The following ODAD2 variants were observed in gnomAD, a reference collection of about 807,000 sequenced individuals.
ODAD2 encodes the protein outer dynein arm docking complex subunit 2.
In ODAD2, 89 loss-of-function variants were observed where a neutral mutation model predicts 106.8. The observed-to-expected ratio is 0.83, with a 90% CI of 0.70 to 0.99. The LOEUF is 0.99. Among genes scored for constraint, ODAD2 ranks in the 50% least tolerant of loss-of-function variants. The pLI is 0.00. For synonymous variants in ODAD2, 404 were observed against 436.2 expected, an observed-to-expected ratio of 0.93 and a Z score of 0.92; for missense variants, 1,168 against 1,238.5, an observed-to-expected ratio of 0.94 and a Z score of 0.85.
At chr10:27,817,950 C>T (rs560727033) in intron 19 of ODAD2, among the ~76,000 whole-genome samples, 129 of 152,012 alleles carry the variant, frequency 8.5e-4, no homozygotes, top group African/African-American at 2.9e-3. Context: ...ATACATACTT[C>T]GCACCATTCA....
At chr10:27,853,834 T>C (rs1034073767) in intron 19 of ODAD2, among the ~76,000 whole-genome samples, 1 of 152,180 alleles carries the variant, frequency 6.6e-6, no homozygotes, top group Non-Finnish European at 1.5e-5. Context: ...CTTGAGACCA[T>C]GTGTTAGGCA....
intron 16 of ODAD2, among the ~76,000 whole-genome samples, chr10:27,908,714 G>A (rs6481491): frequency 0.54 from 82,106 of 151,790 alleles, 22,369 homozygotes; most frequent in Middle Eastern, 0.63. Flanking sequence ...GAAAATTGAC[G>A]TAAAAACATC....
chr10:27,823,655 T>A (rs1286641486), intron 19 of ODAD2, among the ~76,000 whole-genome samples: 2 of 152,200 alleles, frequency 1.3e-5, no homozygotes, highest in Non-Finnish European at 2.9e-5. Context: ...TTGGAGACTG[T>A]TGTTGACCAG....
chr10:27,893,467 C>T (rs1456474555), intron 17 of ODAD2, among the ~76,000 whole-genome samples: 4 of 152,156 alleles, frequency 2.6e-5, no homozygotes, highest in Non-Finnish European at 4.4e-5. Flanking sequence ...GTAGCTGGTG[C>T]TTTCTTCCCT....
At chr10:27,837,131 G>A (rs184142340) in intron 19 of ODAD2, among the ~76,000 whole-genome samples, 2 of 152,238 alleles carry the variant, frequency 1.3e-5, no homozygotes, top group East Asian at 1.9e-4. Context: ...CAATTCCACC[G>A]TTAAAAGACA....
chr10:27,850,260 C>T (rs2133215597), intron 19 of ODAD2, among the ~76,000 whole-genome samples: 1 of 152,092 alleles, frequency 6.6e-6, no homozygotes. Context: ...GCCTGGCCAA[C>T]ATGGTGAAAC....
intron 16 of ODAD2, among the ~76,000 whole-genome samples, chr10:27,927,279 T>C (rs1845320121): frequency 6.6e-6 from 1 of 152,256 alleles, no homozygotes; most frequent in Non-Finnish European, 1.5e-5. Flanking sequence ...ATGTTTATCC[T>C]GATATGTGAC....
At chr10:27,887,021 C>T (rs539268559) in intron 17 of ODAD2, among the ~76,000 whole-genome samples, 37 of 151,948 alleles carry the variant, frequency 2.4e-4, no homozygotes, top group African/African-American at 8.7e-4. Flanking sequence ...AAGTGCTTTC[C>T]TATACTTTAA....
At chr10:27,897,663 G>C (rs1842942540) in intron 17 of ODAD2, among the ~76,000 whole-genome samples, 1 of 152,064 alleles carries the variant, frequency 6.6e-6, no homozygotes, top group African/African-American at 2.4e-5. Flanking sequence ...CTTTCTTGTT[G>C]ACGATTCTTC....
At chr10:27,926,024 A>AG (rs1845234090) in intron 16 of ODAD2, among the ~76,000 whole-genome samples, 1 of 150,908 alleles carries the variant, frequency 6.6e-6, no homozygotes, top group Non-Finnish European at 1.5e-5. Flanking sequence ...AAAAAAAAAA[A>AG]GTAACACTTT....
At chr10:27,860,911 G>A (rs1839999295) in intron 18 of ODAD2, 65 bp from the exon 19 acceptor site, 2 of 1,385,486 alleles carry the variant, frequency 1.4e-6, no homozygotes, top group Non-Finnish European at 2.0e-6. Context: ...ATGTCTATAA[G>A]CACTTTATGT....
intron 8 of ODAD2, among the ~76,000 whole-genome samples, 194 bp from the exon 9 acceptor site, chr10:27,969,212 A>G (rs1187148245): frequency 6.6e-6 from 1 of 152,002 alleles, no homozygotes; most frequent in East Asian, 1.9e-4. Flanking sequence ...TATGTTTTAC[A>G]TATTGAAGAA....
At chr10:27,936,333 A>T (rs1845970076) in intron 15 of ODAD2, among the ~76,000 whole-genome samples, 1 of 152,224 alleles carries the variant, frequency 6.6e-6, no homozygotes, top group African/African-American at 2.4e-5. Context: ...CATTTAGTTG[A>T]TTCATCTTGT....
chr10:27,932,791 C>T (rs1845703064), intron 16 of ODAD2, among the ~76,000 whole-genome samples: 1 of 152,180 alleles, frequency 6.6e-6, no homozygotes, highest in African/African-American at 2.4e-5. Flanking sequence ...GTCTTCATAG[C>T]TTTTAACACA....
intron 12 of ODAD2, among the ~76,000 whole-genome samples, chr10:27,941,605 T>TTTG (rs1474793354): frequency 6.7e-6 from 1 of 149,954 alleles, no homozygotes; most frequent in Admixed American, 6.6e-5. Context: ...AGTTTTTTTT[T>TTTG]TTTTTTTTTT....
At position 27,992,324 on chromosome 10, in the gene ODAD2, G is replaced by A. The variant is rs545694366; in HGVS notation, c.224+2595C>T. 1.3e-4 allele frequency among the ~76,000 whole-genome samples: 20 copies of A among 152,276 alleles called. No homozygotes were observed. The South Asian group carries it at 3.7e-3, about 28-fold the overall frequency. ...AAGTTGTATAGTAAATATGACAGAA[G>A]TATAAAAATCAAGGGGTAATTGTTT... On this transcript the variant is annotated intron_variant, in intron 2 of 19. Transcript: ENST00000305242.
intron 19 of ODAD2, among the ~76,000 whole-genome samples, chr10:27,834,829 T>C (rs936893188): frequency 6.6e-6 from 1 of 152,170 alleles, no homozygotes; most frequent in Non-Finnish European, 1.5e-5. Context: ...GCCCAAATTC[T>C]GCATGCAGAA....
Position 27,862,502 on chromosome 10 carries a change from C to A in ODAD2, c.2731G>T (p.Asp911Tyr). The change falls in exon 18 of 20, where the codon GAT becomes TAT. Residue 911 changes from aspartate to tyrosine, a missense_variant. Around this residue, in one of 3 missense-constraint regions of ODAD2, gnomAD observed 701 missense variants for 712.3 expected, o/e 0.98. Coordinates refer to ENST00000305242, the MANE Select transcript of ODAD2 (RefSeq NM_018076.5). Reference sequence around the variant, plus strand: ...GTGATAACAGCTAAATTTTCTTGATCTTTTGCTATGTTGGTAATGGCAGCA... The same window carrying A: ...GTGATAACAGCTAAATTTTCTTGATATTTTGCTATGTTGGTAATGGCAGCA... Reference protein sequence around the residue: ...VCAAITNIAKDQENLAVITDH... With the variant: ...VCAAITNIAKYQENLAVITDH... The A allele has an allele frequency of 3.7e-6, 6 of 1,612,722 alleles. No individual in the cohort carries two copies. The highest frequency in any genetic ancestry group is 5.1e-6 in the Non-Finnish European group (6 of 1,179,424).
At chr10:27,877,965 T>C (rs1841458625) in intron 17 of ODAD2, among the ~76,000 whole-genome samples, 1 of 152,184 alleles carries the variant, frequency 6.6e-6, no homozygotes, top group African/African-American at 2.4e-5. Context: ...AACAAAAAAC[T>C]TAGCTTTTCT....
Sources: gnomAD v4.1 joint callset for allele counts (sites outside exome capture counted in the v4.1 genomes callset) on GRCh38, gnomAD v4.1.1 for gene constraint, gnomAD v4.1.1 regional missense constraint, MANE v1.5 for transcripts, NCBI Gene and HGNC (gene_info 2026-07-23, HGNC 2026-07-21) for gene names.